The following RAVER2 variants were observed in gnomAD, a reference collection of about 807,000 sequenced individuals.
RAVER2 encodes the protein ribonucleoprotein PTB-binding 2.
RAVER2 carries 46 observed loss-of-function variants against 78.1 expected under a neutral mutation model. The observed-to-expected ratio is 0.59, with a 90% CI of 0.46 to 0.75. The LOEUF is 0.75. RAVER2 is among the 30% of genes least tolerant of loss of function. The pLI is 0.00. For missense variants in RAVER2, 793 were observed against 837.5 expected (o/e 0.95, Z 0.66); for synonymous variants, 311 against 313.3 (o/e 0.99, Z 0.08).
chr1:64,754,425 G>A (rs934252908), intron 1 of RAVER2, among the ~76,000 whole-genome samples: 3 of 152,072 alleles, frequency 2.0e-5, no homozygotes, highest in Admixed American at 1.3e-4. Flanking sequence ...TAAAAGAAGC[G>A]GACTACCCAC....
intron 4 of RAVER2, among the ~76,000 whole-genome samples, chr1:64,782,773 TATTGAGTACTCAGCCA>T (rs1433043761): frequency 6.6e-6 from 1 of 152,158 alleles, no homozygotes; most frequent in Non-Finnish European, 1.5e-5. Flanking sequence ...CAAGGAAGAC[TATTGAGTACTCAGCCA>T]ATTACATAGG....
At chr1:64,816,564 T>C (rs1458810180) in intron 11 of RAVER2, 2 of 152,244 alleles carry the variant, frequency 1.3e-5, no homozygotes, top group African/African-American at 2.4e-5. Context: ...CTATTTCCAC[T>C]GCTGGGATGA....
chr1:64,804,878 T>A lies in RAVER2; in HGVS notation c.1296+40T>A, dbSNP rs1653368840. 3.3e-6 allele frequency: 5 copies of A among 1,512,256 alleles called. No homozygotes were observed. In the East Asian group the frequency reaches 1.1e-4, roughly 34 times the overall value. 93.7% of individuals were successfully genotyped at this position (1,512,256 alleles called of 1,614,324 possible). A position where few individuals can be genotyped will look rare whatever the true frequency, so the allele number is the denominator to read the frequency against. On this transcript the variant is annotated intron_variant, in intron 7 of 11. Coordinates refer to ENST00000294428, the Ensembl canonical transcript of RAVER2. Reference sequence around the variant, plus strand: ...ATTTTTTCTTTTAAAATCAGTTCATTTCTTTTCTAGAATCAGGCTGTGGAT... The same window carrying A: ...ATTTTTTCTTTTAAAATCAGTTCATATCTTTTCTAGAATCAGGCTGTGGAT...
At chr1:64,828,549 C>T (rs80204081) in intron 11 of RAVER2, among the ~76,000 whole-genome samples, 256 of 152,208 alleles carry the variant, frequency 1.7e-3, no homozygotes, top group African/African-American at 6.1e-3. Flanking sequence ...ATCATCATTC[C>T]CCATTCACCA....
intron 2 of RAVER2, among the ~76,000 whole-genome samples, chr1:64,769,476 G>C (rs967796959): frequency 4.6e-5 from 7 of 152,040 alleles, no homozygotes; most frequent in African/African-American, 1.7e-4. Context: ...CATTAAAGCT[G>C]TTCACAAATT....
At chr1:64,762,807 T>C (rs981184892) in intron 1 of RAVER2, among the ~76,000 whole-genome samples, 1 of 152,178 alleles carries the variant, frequency 6.6e-6, no homozygotes, top group African/African-American at 2.4e-5. Flanking sequence ...AGTGTCTTCA[T>C]GACCTTGGGT....
At chr1:64,787,361 G>A (rs1652810315) in intron 4 of RAVER2, among the ~76,000 whole-genome samples, 1 of 152,128 alleles carries the variant, frequency 6.6e-6, no homozygotes, top group Non-Finnish European at 1.5e-5. Context: ...GCAGAGGGAA[G>A]CTAAAGCCTG....
chr1:64,753,157 A>G (rs1208479751), intron 1 of RAVER2, among the ~76,000 whole-genome samples: 1 of 152,176 alleles, frequency 6.6e-6, no homozygotes, highest in Non-Finnish European at 1.5e-5. Flanking sequence ...TCGCTCAAGC[A>G]ATCCTTCTAC....
intron 10 of RAVER2, 64 bp downstream of exon 10, chr1:64,812,913 CT>C (rs1355575083): frequency 6.3e-6 from 8 of 1,262,914 alleles, no homozygotes; most frequent in Non-Finnish European, 8.6e-6. Context: ...ATAAGTTTTA[CT>C]TTAATTTTTG....
At chr1:64,778,050 G>A (rs374863413) in exon 3 of RAVER2, 2 of 1,613,478 alleles carry the variant, frequency 1.2e-6, no homozygotes, top group African/African-American at 2.7e-5. Flanking sequence ...CAGAAGAGCT[G>A]TTGCAAATTT....
chr1:64,763,400 T>C (rs1409886373), intron 1 of RAVER2, among the ~76,000 whole-genome samples: 1 of 152,150 alleles, frequency 6.6e-6, no homozygotes, highest in Non-Finnish European at 1.5e-5. Context: ...CCAAATGGCA[T>C]ATTAAAAGGT....
At chr1:64,815,742 G>A (rs1653741554) in intron 11 of RAVER2, 1 of 152,150 alleles carries the variant, frequency 6.6e-6, no homozygotes, top group Non-Finnish European at 1.5e-5. Flanking sequence ...GATTATAAGA[G>A]TACTAGAAAC....
At chr1:64,751,305 C>CT (rs1651691378) in intron 1 of RAVER2, among the ~76,000 whole-genome samples, 2 of 152,200 alleles carry the variant, frequency 1.3e-5, no homozygotes, top group South Asian at 4.1e-4. Flanking sequence ...ACGACAACAT[C>CT]TAACAAAGCT....
At chr1:64,829,937 G>A (rs529488834) in intron 11 of RAVER2, among the ~76,000 whole-genome samples, 35 of 152,092 alleles carry the variant, frequency 2.3e-4, no homozygotes, top group Non-Finnish European at 4.7e-4. Context: ...GCAAGGAGTT[G>A]AGAGAGACCT....
At chr1:64,763,543 T>G (rs1652082813) in intron 1 of RAVER2, among the ~76,000 whole-genome samples, 1 of 151,978 alleles carries the variant, frequency 6.6e-6, no homozygotes, top group South Asian at 2.1e-4. Context: ...TTGGCACTCA[T>G]ATTCTGCCAA....
chr1:64,778,477 A>G (rs1652534575), intron 3 of RAVER2, among the ~76,000 whole-genome samples: 1 of 152,176 alleles, frequency 6.6e-6, no homozygotes, highest in East Asian at 1.9e-4. Context: ...ATACCTCACA[A>G]TTTTGTAGAA....
intron 1 of RAVER2, among the ~76,000 whole-genome samples, chr1:64,748,930 C>T (rs1651618154): frequency 6.6e-6 from 1 of 152,118 alleles, no homozygotes; most frequent in Admixed American, 6.5e-5. Flanking sequence ...CTTGACCTTC[C>T]AGGCTGAAGC....
At chr1:64,753,496 G>A (rs1044877699) in intron 1 of RAVER2, among the ~76,000 whole-genome samples, 5 of 148,582 alleles carry the variant, frequency 3.4e-5, no homozygotes, top group African/African-American at 5.0e-5. Context: ...TTGATCCAAC[G>A]TCTACCCTCT....
At chr1:64,801,734 G>T (rs1193506175) in intron 5 of RAVER2, among the ~76,000 whole-genome samples, 11 of 152,134 alleles carry the variant, frequency 7.2e-5, no homozygotes, top group Non-Finnish European at 1.3e-4. Context: ...GAGCATGGTT[G>T]TGAGCGCCTG....
Sources: allele counts gnomAD v4.1 joint callset (sites outside exome capture counted in the v4.1 genomes callset), GRCh38; gene constraint gnomAD v4.1.1; transcripts MANE v1.5; gene names NCBI Gene and HGNC (gene_info 2026-07-23, HGNC 2026-07-21).